Variants in DAB1 observed in about 807,000 individuals in gnomAD.
The protein encoded by DAB1 is disabled homolog 1.
In DAB1, 15 loss-of-function variants were observed where a neutral mutation model predicts 64.6. The ratio of observed to expected loss-of-function variants is 0.23; its 90% CI spans 0.16 to 0.36. DAB1 has a LOEUF of 0.36. Among genes scored for constraint, DAB1 ranks in the 10% least tolerant of loss-of-function variants. The pLI is 1.00. For synonymous variants in DAB1, 235 were observed against 251.9 expected (o/e 0.93, Z 0.64); for missense variants, 596 against 706.7 (o/e 0.84, Z 1.78).
chr1:58,391,042 A>G (rs998359730), intron 3 of DAB1, among the ~76,000 whole-genome samples: 3 of 152,212 alleles, frequency 2.0e-5, no homozygotes, highest in Non-Finnish European at 2.9e-5. Flanking sequence ...ACAGATGAAT[A>G]TATCAGCCAG....
At chr1:58,398,476 A>T (rs1344850181) in intron 3 of DAB1, among the ~76,000 whole-genome samples, 1 of 152,214 alleles carries the variant, frequency 6.6e-6, no homozygotes, top group Non-Finnish European at 1.5e-5. Context: ...CCAAGCCTAG[A>T]CTTAATCCCA....
At chr1:57,970,109 A>G (rs777975708) in intron 5 of DAB1, among the ~76,000 whole-genome samples, 7 of 152,190 alleles carry the variant, frequency 4.6e-5, no homozygotes, top group Non-Finnish European at 8.8e-5. Flanking sequence ...TTCTCACCAG[A>G]CATCAAATCA....
chr1:57,915,034 T>G (rs1049242262), intron 5 of DAB1, among the ~76,000 whole-genome samples: 1 of 146,772 alleles, frequency 6.8e-6, no homozygotes, highest in African/African-American at 2.5e-5. Flanking sequence ...ATCAACCAAA[T>G]AAGCCGAAGC....
At chr1:57,541,295 A>AT (rs1340672772) in intron 7 of DAB1, among the ~76,000 whole-genome samples, 2 of 151,796 alleles carry the variant, frequency 1.3e-5, no homozygotes, top group East Asian at 2.0e-4. Context: ...CGCCCAGCTA[A>AT]TTTTTTTGTA....
chr1:58,218,849 C>T (rs1022050730), intron 4 of DAB1, among the ~76,000 whole-genome samples: 1 of 152,132 alleles, frequency 6.6e-6, no homozygotes, highest in Admixed American at 6.5e-5. Flanking sequence ...TCCACACTTC[C>T]CAAAAGCAGA....
At chr1:58,534,435 T>G (rs1646484990) in intron 1 of DAB1, 1 of 588,764 alleles carries the variant, frequency 1.7e-6, no homozygotes, top group African/African-American at 1.9e-5. Context: ...ATTTTAAGTT[T>G]TAATTATATA....
chr1:57,940,218 C>T (rs1645082955), intron 5 of DAB1, among the ~76,000 whole-genome samples: 1 of 152,194 alleles, frequency 6.6e-6, no homozygotes, highest in South Asian at 2.1e-4. Context: ...CATTTCAACA[C>T]ATTTCAGGAA....
chr1:57,063,564 C>T (rs1650615502), intron 8 of DAB1, among the ~76,000 whole-genome samples: 1 of 152,188 alleles, frequency 6.6e-6, no homozygotes, highest in African/African-American at 2.4e-5. Flanking sequence ...CCTTCCCTTA[C>T]TCATCCATCT....
chr1:57,569,611 G>A lies in DAB1; in HGVS notation n.625+79981C>T, dbSNP rs941719405. On this transcript the variant is annotated intron_variant and non_coding_transcript_variant, in intron 7 of 20. Transcript: ENST00000485760. ...GGGGCCTGTTGTGTGGTGGGGGTAG[G>A]GGGGAGGGATAGCATTAGGAGATAA... is the stretch of plus-strand genomic sequence containing the variant. Among the ~76,000 whole-genome samples the A allele has an allele frequency of 7.2e-5, 11 of 152,122 alleles. No homozygotes were observed. The East Asian group carries it at 7.8e-4, about 11-fold the overall frequency.
At position 57,011,232 on chromosome 1, in the gene DAB1, T is replaced by A; in HGVS notation, c.1485A>T (p.Ser495=). ...PAPRQSSPSK[S]SASHASDPTT... is the part of the protein sequence containing the mutation. The stretch of plus-strand genomic sequence containing the variant: ...TAGGATCACTGGCATGGGATGCAGA[T>A]GATTTGGATGGAGAGCTCTGTCTAG... The change falls in exon 13 of 15, where the codon TCA becomes TCT. Residue 495 remains serine, a synonymous_variant. Transcript: ENST00000371236. The A allele has an allele frequency of 6.2e-7, 1 of 1,614,020 alleles. No individual in the cohort carries two copies. The highest frequency in any genetic ancestry group is 8.5e-7 in the Non-Finnish European group (1 of 1,179,906).
At chr1:58,059,817 G>A (rs2100548100) in intron 5 of DAB1, among the ~76,000 whole-genome samples, 1 of 152,312 alleles carries the variant, frequency 6.6e-6, no homozygotes, top group Non-Finnish European at 1.5e-5. Context: ...GCGAGGCTAA[G>A]CAATTTCTCC....
rs555066926 is a variant in DAB1, at chr1:57,383,938, A to G, written c.-137+39992T>C. Among the ~76,000 whole-genome samples, 251 of 152,384 alleles carry G rather than the reference A, an allele frequency of 1.6e-3. 2 individuals carry two copies. Among genetic ancestry groups the G allele is most frequent in the African/African-American group, 5.2e-3 (216 of 41,594 alleles). On this transcript the variant is annotated intron_variant, in intron 1 of 14. Coordinates refer to ENST00000371236, the MANE Select transcript of DAB1 (RefSeq NM_001365792.1). ...ATATCAAAATTTAAAACATCTATGC[A>G]TCAAAGGACATGATCAAAAGAGTAA... is the stretch of plus-strand genomic sequence containing the variant.
chr1:57,864,488 G>C (rs1050466249), intron 1 of DAB1: 1 of 152,002 alleles, frequency 6.6e-6, no homozygotes, highest in Non-Finnish European at 1.5e-5. Context: ...CTGAGGAAGA[G>C]ACTCAAATCT....
At chr1:57,644,702 ATTAT>A (rs1646171864) in intron 7 of DAB1, among the ~76,000 whole-genome samples, 1 of 151,650 alleles carries the variant, frequency 6.6e-6, no homozygotes, top group African/African-American at 2.4e-5. Flanking sequence ...CTATATATGC[ATTAT>A]TTATTTACTA....
At chr1:57,266,840 G>A (rs1356618334) in intron 2 of DAB1, among the ~76,000 whole-genome samples, 1 of 152,122 alleles carries the variant, frequency 6.6e-6, no homozygotes, top group Non-Finnish European at 1.5e-5. Flanking sequence ...CGATGCAGGG[G>A]TAGGTTCATA....
At position 58,541,326 on chromosome 1, in the gene DAB1, A is replaced by G. The variant is rs1425841898; in HGVS notation, n.32+5377T>C. Among the ~76,000 whole-genome samples the G allele has an allele frequency of 5.9e-4, 79 of 133,356 alleles. No individual in the cohort carries two copies. In the East Asian group the frequency reaches 0.014, roughly 24 times the overall value. 87.5% of individuals were successfully genotyped at this position (133,356 alleles called of 152,430 possible). A position where few individuals can be genotyped will look rare whatever the true frequency, so the allele number is the denominator to read the frequency against. On this transcript the variant is annotated intron_variant and non_coding_transcript_variant, in intron 1 of 20. Coordinates refer to the DAB1 transcript ENST00000485760. ...AAAAAAAAAAAAAAAAAAAAAAAAAAAAAAAAACAGGAAAAACACAAGAAA... is the reference window on the plus strand; with the variant it reads ...AAAAAAAAAAAAAAAAAAAAAAAAAGAAAAAAACAGGAAAAACACAAGAAA...
Position 56,995,800 on chromosome 1 carries a change from C to T in DAB1, c.*2344G>A, listed in dbSNP as rs1557481254. 1 of 152,142 alleles carries T rather than the reference C, an allele frequency of 6.6e-6. No homozygotes were observed. Among genetic ancestry groups the T allele is most frequent in the Non-Finnish European group, 1.5e-5 (1 of 68,016 alleles). The allele number at this position is 152,142 out of a possible 1,614,324, so 9.4% of individuals were successfully genotyped here. On this transcript the variant is annotated 3_prime_UTR_variant, in exon 15 of 15. Transcript: ENST00000371236. ...GGGAACTGCCTATCTTACCAAATCC[C>T]CAGAAAACAAACTGGTCTCAGGCCA...
intron 2 of DAB1, among the ~76,000 whole-genome samples, chr1:57,157,951 G>T (rs572213632): frequency 6.6e-6 from 1 of 152,296 alleles, no homozygotes; most frequent in African/African-American, 2.4e-5. Flanking sequence ...GAAGTCATTG[G>T]TGCGAGGCCA....
intron 6 of DAB1, among the ~76,000 whole-genome samples, chr1:57,651,651 T>C (rs1452489805): frequency 2.0e-5 from 3 of 151,182 alleles, no homozygotes; most frequent in South Asian, 4.1e-4. Context: ...GACGGGTTTA[T>C]TGTAGAAAAC....
Sources: allele counts gnomAD v4.1 joint callset (sites outside exome capture counted in the v4.1 genomes callset), GRCh38; gene constraint gnomAD v4.1.1; transcripts MANE v1.5; gene names NCBI Gene and HGNC (gene_info 2026-07-23, HGNC 2026-07-21).